PIBF1: variants seen among roughly 807,000 people sequenced by gnomAD.
The protein encoded by PIBF1 is progesterone-induced-blocking factor 1.
In PIBF1, 90 loss-of-function variants were observed where a neutral mutation model predicts 112.5. The observed-to-expected ratio is 0.80, with a 90% CI of 0.67 to 0.95. The LOEUF is 0.95. PIBF1 is among the 40% of genes least tolerant of loss of function. The pLI is 0.00. For missense variants in PIBF1, 915 were observed against 852.3 expected (o/e 1.07, Z -0.92); for synonymous variants, 301 against 288.6 (o/e 1.04, Z -0.44).
intron 9 of PIBF1, among the ~76,000 whole-genome samples, chr13:72,848,541 A>G (rs973135736): frequency 2.0e-5 from 3 of 152,208 alleles, no homozygotes; most frequent in African/African-American, 7.2e-5. Flanking sequence ...TTATTTAAGT[A>G]AATGATTAAG....
At position 73,015,620 on chromosome 13, in the gene PIBF1, C is replaced by A. The variant is rs115762025; in HGVS notation, c.2224-249C>A. ...AAATCAATTCGTAAAATAATTGCAT[C>A]CCCAGAAAATCTTAAGTATAGGCTT... On this transcript the variant is annotated intron_variant, in intron 17 of 17. Coordinates refer to ENST00000326291, the MANE Select transcript of PIBF1 (RefSeq NM_006346.4). 8.2e-3 allele frequency among the ~76,000 whole-genome samples: 1,250 copies of A among 152,134 alleles called. 15 individuals are homozygous for A. The highest frequency in any genetic ancestry group is 0.028 in the African/African-American group (1,161 of 41,512).
intron 5 of PIBF1, among the ~76,000 whole-genome samples, chr13:72,804,305 A>T (rs917829107): frequency 6.6e-6 from 1 of 152,212 alleles, no homozygotes; most frequent in African/African-American, 2.4e-5. Flanking sequence ...TGTATAATTT[A>T]TATGTATAAT....
chr13:72,797,739 A>G (rs1470629890), intron 4 of PIBF1, among the ~76,000 whole-genome samples, 168 bp from the exon 5 acceptor site: 1 of 152,172 alleles, frequency 6.6e-6, no homozygotes. Flanking sequence ...AAGTTAATTG[A>G]ACATTAAGGC....
chr13:72,792,493 A>G lies in PIBF1; in HGVS notation c.299A>G (p.Gln100Arg). The G allele has an allele frequency of 1.9e-6, 3 of 1,580,432 alleles. No individual in the cohort carries two copies. The highest frequency in any genetic ancestry group is 1.2e-5 in the South Asian group (1 of 83,014). ...CTTAATGATGCACTTCACCAGAAGC[A>G]GCTACTAACATTGAGATTAGACAAC... is the stretch of plus-strand genomic sequence containing the variant. ...EKLNDALHQK[Q>R]LLTLRLDNQL... Residue 100 changes from glutamine (Q) to arginine (R), a missense_variant, in exon 3 of 18, where the codon CAG becomes CGG. By Grantham distance (43) the Gln-to-Arg change is conservative (BLOSUM62 1). Transcript: ENST00000326291.
intron 2 of PIBF1, among the ~76,000 whole-genome samples, chr13:72,790,372 C>T (rs1293593662): frequency 1.3e-5 from 2 of 148,822 alleles, no homozygotes; most frequent in African/African-American, 5.0e-5. Flanking sequence ...GAAGGTGTAA[C>T]TTATAGATTC....
At chr13:72,828,645 G>GATA (rs1271372433) in intron 8 of PIBF1, among the ~76,000 whole-genome samples, 15 of 152,114 alleles carry the variant, frequency 9.9e-5, no homozygotes, top group Non-Finnish European at 2.1e-4. Context: ...ATATTCCATG[G>GATA]TACATATGTG....
chr13:72,840,146 CTA>C (rs935071680), intron 9 of PIBF1, among the ~76,000 whole-genome samples: 9 of 152,152 alleles, frequency 5.9e-5, no homozygotes, highest in African/African-American at 1.7e-4. Flanking sequence ...TAATCCAACT[CTA>C]TGTTTTATGT....
chr13:72,969,798 G>A (rs528017848), intron 15 of PIBF1: 3 of 152,292 alleles, frequency 2.0e-5, no homozygotes, highest in East Asian at 3.9e-4. Context: ...ACCCGAAGGG[G>A]TAGTTGTGAA....
intron 12 of PIBF1, among the ~76,000 whole-genome samples, chr13:72,909,683 G>C (rs1452786039): frequency 1.3e-5 from 2 of 151,944 alleles, no homozygotes; most frequent in African/African-American, 4.8e-5. Context: ...AGTAGAGACG[G>C]GGTTTCTCCA....
chr13:72,795,607 A>G (rs1303897718), intron 4 of PIBF1, 50 bp downstream of exon 4: 1 of 1,155,978 alleles, frequency 8.7e-7, no homozygotes, highest in African/African-American at 1.6e-5. Context: ...TTCAGACTAA[A>G]ATTTACCATT....
At chr13:73,008,507 C>T (rs926136640) in intron 17 of PIBF1, among the ~76,000 whole-genome samples, 1 of 152,182 alleles carries the variant, frequency 6.6e-6, no homozygotes. Context: ...CCCAAACATT[C>T]ATTCATTCAT....
intron 11 of PIBF1, among the ~76,000 whole-genome samples, chr13:72,902,416 T>TAAAAA (rs533865004): frequency 7.0e-6 from 1 of 143,178 alleles, no homozygotes. Flanking sequence ...TGTGTGGCTT[T>TAAAAA]AAAAAAAAAA....
chr13:72,925,542 C>CTTTTTTTTTTTTT (rs59074858), intron 13 of PIBF1, among the ~76,000 whole-genome samples: 5 of 102,032 alleles, frequency 4.9e-5, no homozygotes, highest in Non-Finnish European at 7.5e-5. Context: ...CTTTCTCTCT[C>CTTTTTTTTTTTTT]TTTTTTTTTT....
chr13:72,810,568 G>A (rs2035959466), intron 5 of PIBF1, among the ~76,000 whole-genome samples: 1 of 152,118 alleles, frequency 6.6e-6, no homozygotes, highest in Admixed American at 6.5e-5. Context: ...TTATTTCATT[G>A]ATGAAACATA....
intron 11 of PIBF1, among the ~76,000 whole-genome samples, chr13:72,895,060 G>T (rs1265509256): frequency 6.6e-6 from 1 of 151,608 alleles, no homozygotes; most frequent in African/African-American, 2.4e-5. Context: ...GGAGGTCGAG[G>T]CCACAGTGAG....
intron 2 of PIBF1, among the ~76,000 whole-genome samples, chr13:72,784,292 A>AAAAAT (rs2034473164): frequency 6.6e-6 from 1 of 151,172 alleles, no homozygotes; most frequent in African/African-American, 2.4e-5. Context: ...AAAAAAAAAA[A>AAAAAT]AAAATTAGCC....
At chr13:72,827,509 A>T (rs1386750157) in intron 7 of PIBF1, among the ~76,000 whole-genome samples, 1 of 152,090 alleles carries the variant, frequency 6.6e-6, no homozygotes, top group Non-Finnish European at 1.5e-5. Context: ...TTGGCCTCCC[A>T]AAGTGCTGGG....
chr13:73,012,091 C>A (rs968573263), intron 17 of PIBF1, among the ~76,000 whole-genome samples: 29 of 152,240 alleles, frequency 1.9e-4, no homozygotes, highest in Non-Finnish European at 3.7e-4. Flanking sequence ...GTGGCTCACA[C>A]CTGTAATCCC....
At chr13:72,990,808 A>G (rs777409621) in intron 16 of PIBF1, among the ~76,000 whole-genome samples, 5 of 152,192 alleles carry the variant, frequency 3.3e-5, no homozygotes, top group Non-Finnish European at 5.9e-5. Flanking sequence ...AGATCATGCC[A>G]CTGCACTCCA....
Sources: allele counts gnomAD v4.1 joint callset (sites outside exome capture counted in the v4.1 genomes callset), GRCh38; gene constraint gnomAD v4.1.1; transcripts MANE v1.5; gene names NCBI Gene and HGNC (gene_info 2026-07-23, HGNC 2026-07-21).